The following MDGA1 variants were observed in gnomAD, a reference collection of about 807,000 sequenced individuals.
The protein encoded by MDGA1 is MAM domain-containing glycosylphosphatidylinositol anchor protein 1.
Under a neutral mutation model 101.5 loss-of-function variants are expected in MDGA1, and 54 were observed. That is an observed-to-expected ratio of 0.53 (90% confidence interval 0.43 to 0.67). MDGA1 has a LOEUF of 0.67. Ranked by LOEUF, MDGA1 falls within the 30% of genes least tolerant of loss-of-function variation. MDGA1 has a pLI of 0.00. For missense variants in MDGA1, 1,083 were observed against 1,323.8 expected (o/e 0.82, Z 2.82); for synonymous variants, 533 against 558.3 (o/e 0.95, Z 0.64).
chr6:37,657,437 G>GC (rs1348816728), intron 3 of MDGA1, among the ~76,000 whole-genome samples: 2 of 152,220 alleles, frequency 1.3e-5, no homozygotes, highest in Non-Finnish European at 2.9e-5. Flanking sequence ...TGGGGTCCAG[G>GC]CTATGCCTGC....
chr6:37,691,268 C>G (rs753156660), intron 1 of MDGA1, among the ~76,000 whole-genome samples: 1 of 152,146 alleles, frequency 6.6e-6, no homozygotes, highest in Non-Finnish European at 1.5e-5. Flanking sequence ...CTACTTCTTA[C>G]CAGCTGTGCA....
intron 14 of MDGA1, among the ~76,000 whole-genome samples, chr6:37,641,498 C>G (rs529281777): frequency 3.7e-4 from 57 of 152,156 alleles, no homozygotes; most frequent in Non-Finnish European, 7.5e-4. Context: ...GGGCTGAGCA[C>G]CCCCAGGCTA....
In MDGA1 at chr6:37,646,387, A is replaced by T; in HGVS notation, c.2047-12T>A. ...TTGTGCTGGTTCAACTGTTAAGTAC[A>T]GAGAGTTCCCAGATGCCTAGGAAGT... On this transcript the variant is annotated splice_polypyrimidine_tract_variant and intron_variant, in intron 10 of 16. Transcript: ENST00000434837. The T allele has an allele frequency of 6.8e-7, 1 of 1,468,476 alleles. No individual in the cohort carries two copies. The highest frequency in any genetic ancestry group is 1.8e-4 in the Middle Eastern group (1 of 5,528). 91.0% of individuals were successfully genotyped at this position (1,468,476 alleles called of 1,614,324 possible).
At chr6:37,647,097 G>A (rs994485366) in intron 10 of MDGA1, 76 bp downstream of exon 10, 1 of 1,365,420 alleles carries the variant, frequency 7.3e-7, no homozygotes, top group South Asian at 1.3e-5. Context: ...CCCTTCCTCT[G>A]GCCTTGATGA....
chr6:37,661,573 G>A (rs6911774), intron 2 of MDGA1, among the ~76,000 whole-genome samples: 1,868 of 152,274 alleles, frequency 0.012, 39 homozygotes, highest in African/African-American at 0.042. Flanking sequence ...AAAACTAGAA[G>A]GCATTTTAGG....
chr6:37,657,932 C>T (rs1212804273), intron 3 of MDGA1, among the ~76,000 whole-genome samples: 2 of 152,194 alleles, frequency 1.3e-5, no homozygotes, highest in Non-Finnish European at 2.9e-5. Context: ...AGCTCTGAGG[C>T]TACCCCGCTC....
At position 37,655,633 on chromosome 6, in the gene MDGA1, C is replaced by A; in HGVS notation, c.579+67G>T. On this transcript the variant is annotated intron_variant, in intron 4 of 16. Coordinates refer to ENST00000434837, the MANE Select transcript of MDGA1 (RefSeq NM_153487.4). The surrounding 1 kb of genome is among the most constrained non-coding windows in gnomAD (Gnocchi z 5.1). ...GTCAAGGCAGTCCCAAAAACTCAGC[C>A]CCATGCCCCCCTCCCCTGTTGGATG... 1 of 1,307,836 alleles carries A rather than the reference C, an allele frequency of 7.6e-7. No individual in the cohort carries two copies. Among genetic ancestry groups the A allele is most frequent in the Non-Finnish European group, 1.0e-6 (1 of 955,400 alleles). The allele number at this position is 1,307,836 out of a possible 1,614,324, so 81.0% of individuals were successfully genotyped here.
At chr6:37,667,730 C>T (rs1035552976) in intron 1 of MDGA1, among the ~76,000 whole-genome samples, 2 of 152,204 alleles carry the variant, frequency 1.3e-5, no homozygotes, top group Non-Finnish European at 2.9e-5. Flanking sequence ...TAATCTTGGA[C>T]ACTGTGGCTT....
intron 1 of MDGA1, among the ~76,000 whole-genome samples, chr6:37,688,139 C>G (rs562176402): frequency 3.3e-5 from 5 of 152,198 alleles, no homozygotes; most frequent in Non-Finnish European, 7.3e-5. Context: ...AGGAAATGCC[C>G]TCAGAAAGTC....
intron 1 of MDGA1, among the ~76,000 whole-genome samples, chr6:37,685,961 C>G (rs1762188949): frequency 6.6e-6 from 1 of 152,138 alleles, no homozygotes; most frequent in Non-Finnish European, 1.5e-5. Context: ...TCTAAATCCC[C>G]TTTCATTCAA....
chr6:37,658,554 G>A (rs1412624163), intron 2 of MDGA1, 135 bp from the exon 3 acceptor site: 2 of 845,844 alleles, frequency 2.4e-6, no homozygotes, highest in African/African-American at 1.7e-5. Context: ...CGCAGGCCTA[G>A]GAAACGAACC....
At chr6:37,677,445 C>T (rs750624519) in intron 1 of MDGA1, among the ~76,000 whole-genome samples, 3 of 152,162 alleles carry the variant, frequency 2.0e-5, no homozygotes, top group Non-Finnish European at 2.9e-5. Context: ...CCCAAATGCT[C>T]GGCAGCAGAG....
intron 1 of MDGA1, among the ~76,000 whole-genome samples, chr6:37,691,127 G>T (rs1160278267): frequency 1.3e-5 from 2 of 152,088 alleles, no homozygotes; most frequent in Non-Finnish European, 2.9e-5. Flanking sequence ...CAGTAGCCCT[G>T]CCAATGTCCA....
At position 37,652,302 on chromosome 6, in the gene MDGA1, T is replaced by G. The variant is rs1351744737; in HGVS notation, c.1021A>C (p.Ile341Leu). 6 of 1,613,684 alleles carry G rather than the reference T, an allele frequency of 3.7e-6. No individual in the cohort carries two copies. The highest frequency in any genetic ancestry group is 1.3e-5 in the African/African-American group (1 of 74,912). Residue 341 changes from isoleucine (I) to leucine (L), a missense_variant, in exon 7 of 17, where the codon ATC becomes CTC. Coordinates refer to ENST00000434837, the MANE Select transcript of MDGA1 (RefSeq NM_153487.4). This position sits in a 1 kb window ranked among gnomAD's most constrained non-coding sequence, Gnocchi z 4.3. Reference sequence around the variant, plus strand: ...AGCTGGATGTTCTCACTCTCTTTGATCACGTCAGGAGTGATCTGGAATGTA... The same window carrying G: ...AGCTGGATGTTCTCACTCTCTTTGAGCACGTCAGGAGTGATCTGGAATGTA... Reference protein sequence around the residue: ...NATFQITPDVIKESENIQLGQ... With the variant: ...NATFQITPDVLKESENIQLGQ...
chr6:37,649,411 T>G, intron 8 of MDGA1, 145 bp from the exon 9 acceptor site: 1 of 1,347,698 alleles, frequency 7.4e-7, no homozygotes, highest in Non-Finnish European at 9.6e-7. Flanking sequence ...TCGCAACACA[T>G]CCCTCCAATG....
At chr6:37,678,203 CGTT>C (rs1219368253) in intron 1 of MDGA1, among the ~76,000 whole-genome samples, 1 of 152,138 alleles carries the variant, frequency 6.6e-6, no homozygotes, top group Non-Finnish European at 1.5e-5. Flanking sequence ...AGTGGGAACA[CGTT>C]GTCTCCCGTT....
intron 1 of MDGA1, among the ~76,000 whole-genome samples, chr6:37,671,092 A>G (rs1761859613): frequency 1.3e-5 from 2 of 152,128 alleles, no homozygotes; most frequent in African/African-American, 4.8e-5. Context: ...CCTGATTTCT[A>G]TCAACAAAAC....
intron 1 of MDGA1, among the ~76,000 whole-genome samples, chr6:37,679,808 G>A (rs1762056049): frequency 6.6e-6 from 1 of 152,074 alleles, no homozygotes; most frequent in Non-Finnish European, 1.5e-5. Flanking sequence ...ACCAGTATTA[G>A]CCCTGTCTTG....
intron 6 of MDGA1, 115 bp downstream of exon 6, chr6:37,654,159 C>T: frequency 1.6e-6 from 2 of 1,229,648 alleles, no homozygotes; most frequent in Non-Finnish European, 2.2e-6. Flanking sequence ...CTCTGCATGA[C>T]TCATCTACCA....
Sources: gnomAD v4.1 joint callset for allele counts (sites outside exome capture counted in the v4.1 genomes callset) on GRCh38, gnomAD v4.1.1 for gene constraint, Gnocchi (gnomAD v3.1) non-coding constraint, MANE v1.5 for transcripts, NCBI Gene and HGNC (gene_info 2026-07-23, HGNC 2026-07-21) for gene names.